Variants in TAOK3 observed in about 807,000 individuals in gnomAD.
The protein encoded by TAOK3 is serine/threonine-protein kinase TAO3.
TAOK3 carries 40 observed loss-of-function variants against 120.4 expected under a neutral mutation model. The observed-to-expected ratio is 0.33, with a 90% CI of 0.26 to 0.43. TAOK3 has a LOEUF of 0.43. Ranked by LOEUF, TAOK3 falls within the 20% of genes least tolerant of loss-of-function variation. The pLI is 1.00. For missense variants in TAOK3, 821 were observed against 1,112.1 expected (o/e 0.74, Z 3.72); for synonymous variants, 355 against 387.5 (o/e 0.92, Z 0.99).
rs2035141662 is a variant in TAOK3, at chr12:118,160,455, GT to G, written c.2140-98del. On this transcript the variant is annotated intron_variant, in intron 18 of 20. Transcript: ENST00000392533. This position sits in a 1 kb window ranked among gnomAD's most constrained non-coding sequence, Gnocchi z 4.2. ...TATAATACAAGTGCTGAGAGCGTCT[GT>G]TTTTTGGTGCAGTGACTCACATTGC... The G allele has an allele frequency of 1.1e-5, 11 of 1,024,836 alleles. No homozygotes were observed. Among genetic ancestry groups the G allele is most frequent in the Admixed American group, 2.2e-5 (1 of 45,452 alleles). The allele number at this position is 1,024,836 out of a possible 1,614,324, so 63.5% of individuals were successfully genotyped here. A position where few individuals can be genotyped will look rare whatever the true frequency, so the allele number is the denominator to read the frequency against.
At chr12:118,242,320 A>G (rs1396519930) in intron 5 of TAOK3, among the ~76,000 whole-genome samples, 1 of 152,222 alleles carries the variant, frequency 6.6e-6, no homozygotes, top group African/African-American at 2.4e-5. Context: ...ATAGCTCTAC[A>G]TAAAAGTTCC....
intron 1 of TAOK3, among the ~76,000 whole-genome samples, chr12:118,336,526 G>A (rs975199649): frequency 1.3e-5 from 2 of 151,956 alleles, no homozygotes; most frequent in African/African-American, 2.4e-5. Context: ...GAAAATTTGG[G>A]GGATCTAGGA....
chr12:118,233,987 C>G (rs1254104379), intron 8 of TAOK3, among the ~76,000 whole-genome samples: 2 of 151,964 alleles, frequency 1.3e-5, no homozygotes, highest in Non-Finnish European at 2.9e-5. Flanking sequence ...CTGGCTCCAC[C>G]CCTTACTATC....
intron 13 of TAOK3, among the ~76,000 whole-genome samples, chr12:118,192,719 A>T (rs2037496519): frequency 6.6e-6 from 1 of 152,236 alleles, no homozygotes; most frequent in Non-Finnish European, 1.5e-5. Context: ...CCCTTTAAGT[A>T]ACAGTGCCTC....
intron 1 of TAOK3, among the ~76,000 whole-genome samples, chr12:118,356,806 C>T (rs111575755): frequency 1.2e-3 from 180 of 152,156 alleles, no homozygotes; most frequent in African/African-American, 1.6e-3. Context: ...CCTGTAGTCT[C>T]GGCTACTGGG....
At chr12:118,224,847 G>C (rs2039423780) in intron 9 of TAOK3, among the ~76,000 whole-genome samples, 1 of 152,084 alleles carries the variant, frequency 6.6e-6, no homozygotes, top group African/African-American at 2.4e-5. Context: ...TTATAGAAGA[G>C]ACAGACACCA....
chr12:118,265,158 A>T (rs1252787327), intron 2 of TAOK3, among the ~76,000 whole-genome samples: 1 of 151,224 alleles, frequency 6.6e-6, no homozygotes, highest in Non-Finnish European at 1.5e-5. Context: ...TGGGAGGCCG[A>T]GGAGGGCAGA....
At chr12:118,303,648 T>C (rs929286362) in intron 1 of TAOK3, among the ~76,000 whole-genome samples, 20 of 152,228 alleles carry the variant, frequency 1.3e-4, no homozygotes, top group African/African-American at 4.8e-4. Context: ...CTTACTGCTC[T>C]CATATTTTAT....
chr12:118,294,415 G>A (rs991643891), intron 1 of TAOK3, among the ~76,000 whole-genome samples: 14 of 149,334 alleles, frequency 9.4e-5, no homozygotes, highest in African/African-American at 2.2e-4. Flanking sequence ...ATAGAGTCTC[G>A]CTCTGTGGCC....
intron 3 of TAOK3, 135 bp downstream of exon 3, chr12:118,255,313 A>G (rs1292439865): frequency 5.0e-6 from 4 of 796,928 alleles, no homozygotes; most frequent in East Asian, 2.8e-5. Context: ...GGGTCTTGCT[A>G]TGTTGCCTAG....
intron 1 of TAOK3, among the ~76,000 whole-genome samples, chr12:118,293,335 C>T (rs940634225): frequency 3.9e-5 from 6 of 152,138 alleles, no homozygotes; most frequent in East Asian, 1.9e-4. Flanking sequence ...CGAATGTTAG[C>T]GATACACAGT....
intron 17 of TAOK3, among the ~76,000 whole-genome samples, chr12:118,163,940 G>A (rs1208058980): frequency 2.0e-5 from 3 of 151,922 alleles, no homozygotes; most frequent in African/African-American, 4.8e-5. Context: ...TCGAACTCCC[G>A]ATCTCAGGTG....
At chr12:118,319,530 T>C (rs866850594) in intron 1 of TAOK3, among the ~76,000 whole-genome samples, 1 of 152,120 alleles carries the variant, frequency 6.6e-6, no homozygotes, top group African/African-American at 2.4e-5. Flanking sequence ...GAAAACTTAA[T>C]ATTGTCAAGG....
chr12:118,361,790 T>A (rs1386434888), intron 1 of TAOK3, among the ~76,000 whole-genome samples: 1 of 152,092 alleles, frequency 6.6e-6, no homozygotes, highest in Non-Finnish European at 1.5e-5. Flanking sequence ...TTTTAAAATT[T>A]CAACTTTTAT....
intron 14 of TAOK3, among the ~76,000 whole-genome samples, chr12:118,183,762 T>C (rs2036910857): frequency 6.6e-6 from 1 of 152,218 alleles, no homozygotes; most frequent in South Asian, 2.1e-4. Flanking sequence ...GTAATGAATT[T>C]TAGATATGTT....
In TAOK3 at chr12:118,372,156, A is replaced by C; in HGVS notation, c.-194+492T>G. 1.6e-5 allele frequency among the ~76,000 whole-genome samples: 2 copies of C among 127,510 alleles called. No homozygotes were observed. Among genetic ancestry groups the C allele is most frequent in the South Asian group, 2.6e-4 (1 of 3,890 alleles). 83.7% of individuals were successfully genotyped at this position (127,510 alleles called of 152,430 possible). On this transcript the variant is annotated intron_variant, in intron 1 of 20. Transcript: ENST00000392533. The surrounding 1 kb of genome is among the most constrained non-coding windows in gnomAD (Gnocchi z 4.6). ...GATTCTCTCTGGGTCCCCTCCCCTC[A>C]CCTCGGGGTCTCCTCTCCCCGGGTG...
At chr12:118,212,334 T>C (rs1301479776) in intron 11 of TAOK3, among the ~76,000 whole-genome samples, 1 of 152,220 alleles carries the variant, frequency 6.6e-6, no homozygotes, top group Non-Finnish European at 1.5e-5. Context: ...CTGATATTGA[T>C]GCAACACACT....
intron 1 of TAOK3, among the ~76,000 whole-genome samples, chr12:118,336,934 C>T (rs1308414161): frequency 6.6e-6 from 1 of 152,122 alleles, no homozygotes. Flanking sequence ...TAGCTGCCCA[C>T]CTGTAATCAC....
intron 9 of TAOK3, among the ~76,000 whole-genome samples, chr12:118,219,552 C>T (rs1274522053): frequency 2.0e-5 from 3 of 152,036 alleles, no homozygotes; most frequent in East Asian, 3.9e-4. Flanking sequence ...TAGATTTTGT[C>T]ATTGCAAATT....
Sources: gnomAD v4.1 joint callset for allele counts (sites outside exome capture counted in the v4.1 genomes callset) on GRCh38, gnomAD v4.1.1 for gene constraint, Gnocchi (gnomAD v3.1) non-coding constraint, MANE v1.5 for transcripts, NCBI Gene and HGNC (gene_info 2026-07-23, HGNC 2026-07-21) for gene names.